Variants in ABLIM1 observed in about 807,000 individuals in gnomAD.
ABLIM1 encodes actin binding LIM protein 1, also known as actin-binding LIM protein 1.
A neutral mutation model predicts 107.0 loss-of-function variants in ABLIM1; 40 were observed. The observed-to-expected ratio is 0.37, with a 90% CI of 0.29 to 0.49. The LOEUF is 0.49. Among genes scored for constraint, ABLIM1 ranks in the 20% least tolerant of loss-of-function variants. The pLI, the probability that ABLIM1 is intolerant of heterozygous loss-of-function variation, is 0.97. For missense variants in ABLIM1, 857 were observed against 1,008.5 expected (o/e 0.85, Z 2.04); for synonymous variants, 357 against 357.3 (o/e 1.00, Z 0.01).
At chr10:114,533,077 C>T (rs1025335535) in intron 6 of ABLIM1, among the ~76,000 whole-genome samples, 5 of 152,136 alleles carry the variant, frequency 3.3e-5, no homozygotes, top group African/African-American at 4.8e-5. Flanking sequence ...CAGTGGCTCA[C>T]GCCTGTTATC....
At chr10:114,775,889 A>G in the ABLIM1 span, 1 of 152,252 alleles carries the variant, frequency 6.6e-6, no homozygotes, top group Non-Finnish European at 1.5e-5. Flanking sequence ...CTAATAGTCA[A>G]TGGAATGCCA....
At chr10:114,780,201 C>T in the ABLIM1 span, among the ~76,000 whole-genome samples, 1 of 152,166 alleles carries the variant, frequency 6.6e-6, no homozygotes, top group African/African-American at 2.4e-5. Flanking sequence ...GCAGAATAAA[C>T]AGTGTCCTTG....
intron 6 of ABLIM1, among the ~76,000 whole-genome samples, chr10:114,525,186 C>T (rs1241674795): frequency 6.6e-6 from 1 of 152,224 alleles, no homozygotes; most frequent in African/African-American, 2.4e-5. Flanking sequence ...CTGCAACAAA[C>T]TATAATCCCA....
At chr10:114,621,109 G>T (rs2077439423) in intron 1 of ABLIM1, among the ~76,000 whole-genome samples, 2 of 152,162 alleles carry the variant, frequency 1.3e-5, no homozygotes, top group African/African-American at 4.8e-5. Flanking sequence ...TATTGCTTCT[G>T]TTTTACCCAC....
At chr10:114,581,717 A>C (rs2073402444) in intron 2 of ABLIM1, among the ~76,000 whole-genome samples, 1 of 152,090 alleles carries the variant, frequency 6.6e-6, no homozygotes, top group African/African-American at 2.4e-5. Flanking sequence ...GCATGCTGCC[A>C]GGTGGTCAGC....
intron 1 of ABLIM1, among the ~76,000 whole-genome samples, chr10:114,721,157 T>G (rs902864804): frequency 1.3e-5 from 2 of 152,242 alleles, no homozygotes; most frequent in Non-Finnish European, 2.9e-5. Context: ...TCTGGTTTGG[T>G]GGCACTGGAG....
chr10:114,783,302 A>T, the ABLIM1 span, among the ~76,000 whole-genome samples: 1 of 151,960 alleles, frequency 6.6e-6, no homozygotes, highest in Non-Finnish European at 1.5e-5. Context: ...AAATAAACAT[A>T]AAAACTAAAA....
intron 5 of ABLIM1, 74 bp downstream of exon 5, chr10:114,547,576 G>T (rs577662860): frequency 2.5e-6 from 4 of 1,587,300 alleles, no homozygotes; most frequent in African/African-American, 1.3e-5. Flanking sequence ...TGGGGCCCCT[G>T]AGACCAGGAC....
chr10:114,591,026 T>G (rs2074814222), intron 2 of ABLIM1, among the ~76,000 whole-genome samples: 1 of 152,158 alleles, frequency 6.6e-6, no homozygotes, highest in South Asian at 2.1e-4. Flanking sequence ...CATCACACTT[T>G]TCAACTACAA....
At chr10:114,615,360 C>T (rs547819343) in intron 1 of ABLIM1, among the ~76,000 whole-genome samples, 9 of 152,246 alleles carry the variant, frequency 5.9e-5, no homozygotes, top group South Asian at 2.1e-4. Context: ...CAGCTGTTTG[C>T]GAGCCCAGCT....
chr10:114,661,821 C>A (rs1223520632), upstream of ABLIM1, among the ~76,000 whole-genome samples: 3 of 152,146 alleles, frequency 2.0e-5, no homozygotes, highest in Non-Finnish European at 4.4e-5. Context: ...AATGAACCAT[C>A]AGTGGGAAAA....
At position 114,679,151 on chromosome 10, in the gene ABLIM1, AAAAG is replaced by A. The variant is rs368078797; in HGVS notation, c.64+5135_64+5138del. 1.2e-3 allele frequency among the ~76,000 whole-genome samples: 185 copies of A among 152,302 alleles called. 1 individual carries two copies. The highest frequency in any genetic ancestry group is 4.3e-3 in the African/African-American group (178 of 41,562). On this transcript the variant is annotated intron_variant, in intron 1 of 23. Transcript: ENST00000369256. ...TTGCCCTTCTGTGTCAGCATGATGA[AAAAG>A]AAAGAAAGAAGGAAAGAAAGAAAGA...
At chr10:114,611,149 C>T (rs1390702482) in intron 1 of ABLIM1, among the ~76,000 whole-genome samples, 2 of 140,730 alleles carry the variant, frequency 1.4e-5, no homozygotes, top group Non-Finnish European at 3.0e-5. Context: ...AAGACTCCAT[C>T]TCAAAAAAAA....
At chr10:114,498,096 G>T (rs1052157077) in intron 6 of ABLIM1, among the ~76,000 whole-genome samples, 3 of 152,182 alleles carry the variant, frequency 2.0e-5, no homozygotes, top group Non-Finnish European at 4.4e-5. Flanking sequence ...AGGGCTACAA[G>T]CTTTGGAATC....
At chr10:114,471,004 C>A (rs2066429620) in intron 10 of ABLIM1, among the ~76,000 whole-genome samples, 1 of 152,190 alleles carries the variant, frequency 6.6e-6, no homozygotes, top group Non-Finnish European at 1.5e-5. Context: ...CCCATCTCAG[C>A]CTCCCAAGTT....
intron 4 of ABLIM1, among the ~76,000 whole-genome samples, chr10:114,551,347 C>A (rs1175672164): frequency 6.6e-6 from 1 of 152,220 alleles, no homozygotes; most frequent in Non-Finnish European, 1.5e-5. Context: ...AAAATAAAGA[C>A]CACTGTTAGG....
At chr10:114,465,925 T>C (rs1021373923) in intron 11 of ABLIM1, 98 bp from the exon 12 acceptor site, 5 of 1,374,138 alleles carry the variant, frequency 3.6e-6, no homozygotes, top group Non-Finnish European at 5.0e-6. Flanking sequence ...TACTTGTTTA[T>C]ATATATTTGA....
Position 114,741,019 on chromosome 10 carries a change from C to T in ABLIM1, c.-213+27042G>A, listed in dbSNP as rs1203071683. On this transcript the variant is annotated intron_variant, in intron 1 of 15. Coordinates refer to the ABLIM1 transcript ENST00000651092. ...CTGCACTCCAACCTGGGTGACACAG[C>T]GAGATCCTGTCTCAAAAAAAAAAAA... is the stretch of plus-strand genomic sequence containing the variant. Among the ~76,000 whole-genome samples the T allele has an allele frequency of 4.0e-5, 6 of 149,336 alleles. No individual in the cohort carries two copies. The East Asian group carries it at 5.9e-4, about 15-fold the overall frequency.
intron 12 of ABLIM1, among the ~76,000 whole-genome samples, chr10:114,461,053 C>CT (rs1166697074): frequency 6.6e-6 from 1 of 151,724 alleles, no homozygotes; most frequent in East Asian, 1.9e-4. Context: ...TAACCAAAAT[C>CT]TTTGTTTTCT....
Sources: allele counts gnomAD v4.1 joint callset (sites outside exome capture counted in the v4.1 genomes callset), GRCh38; gene constraint gnomAD v4.1.1; transcripts MANE v1.5; gene names NCBI Gene and HGNC (gene_info 2026-07-23, HGNC 2026-07-21).